Variants in GPRC6A observed in about 807,000 individuals in gnomAD.
GPRC6A encodes G protein-coupled receptor family C group 6 member A.
A neutral mutation model predicts 47.0 loss-of-function variants in GPRC6A; 54 were observed. That is an observed-to-expected ratio of 1.15 (90% CI 0.92 to 1.44). GPRC6A has a LOEUF of 1.44. GPRC6A is among the 40% of genes most tolerant of loss of function. The pLI is 0.00. For synonymous variants in GPRC6A, 347 were observed against 377.1 expected (o/e 0.92, Z 0.93); for missense variants, 1,112 against 1,105.5 (o/e 1.01, Z -0.08).
chr6:116,815,754 C>T (rs533263787), intron 1 of GPRC6A, among the ~76,000 whole-genome samples: 118 of 152,206 alleles, frequency 7.8e-4, no homozygotes, highest in African/African-American at 2.0e-3. Flanking sequence ...AAACCACATG[C>T]TTCTGAATAA....
chr6:116,806,560 C>G lies in GPRC6A; in HGVS notation c.1145G>C (p.Arg382Thr). 1 of 1,613,586 alleles carries G rather than the reference C, an allele frequency of 6.2e-7. No homozygotes were observed. The highest frequency in any genetic ancestry group is 8.5e-7 in the Non-Finnish European group (1 of 1,179,770). ...LSQCIFNHSQ[R>T]TLAYKANKAI... Reference sequence around the variant, plus strand: ...CTTGTTAGCCTTGTAGGCCAAAGTCCTTTGAGAATGATTGAATATGCATTG... The same window carrying G: ...CTTGTTAGCCTTGTAGGCCAAAGTCGTTTGAGAATGATTGAATATGCATTG... The change falls in exon 3 of 6, where the codon AGG (arginine) becomes ACG (threonine). Residue 382 changes from arginine to threonine, a missense_variant. Transcript: ENST00000310357.
intron 1 of GPRC6A, among the ~76,000 whole-genome samples, chr6:116,818,607 A>C (rs1302834759): frequency 6.8e-6 from 1 of 147,900 alleles, no homozygotes; most frequent in East Asian, 2.0e-4. Flanking sequence ...CAGCCAAACT[A>C]AGCTTCATAA....
intron 5 of GPRC6A, among the ~76,000 whole-genome samples, chr6:116,795,208 T>C (rs1772440174): frequency 6.6e-6 from 1 of 152,198 alleles, no homozygotes; most frequent in Admixed American, 6.6e-5. Flanking sequence ...AGTTGGTCCC[T>C]TGTCTCACAG....
At chr6:116,818,102 A>C (rs1773294309) in intron 1 of GPRC6A, among the ~76,000 whole-genome samples, 1 of 152,188 alleles carries the variant, frequency 6.6e-6, no homozygotes, top group Non-Finnish European at 1.5e-5. Context: ...AGTTGAAATG[A>C]AGGAGAAAAT....
intron 3 of GPRC6A, among the ~76,000 whole-genome samples, chr6:116,803,990 C>T (rs746393795): frequency 1.3e-5 from 2 of 152,076 alleles, no homozygotes; most frequent in South Asian, 2.1e-4. Flanking sequence ...TCCTGTTCTC[C>T]GTAATATCTT....
chr6:116,818,155 GA>G (rs1773297035), intron 1 of GPRC6A, among the ~76,000 whole-genome samples: 1 of 152,094 alleles, frequency 6.6e-6, no homozygotes, highest in East Asian at 1.9e-4. Flanking sequence ...CCCTCAAAGG[GA>G]AGCCCATCAG....
At chr6:116,817,015 T>C (rs375749024) in intron 1 of GPRC6A, among the ~76,000 whole-genome samples, 18 of 151,108 alleles carry the variant, frequency 1.2e-4, no homozygotes, top group South Asian at 2.1e-4. Context: ...CCGGGAAGCT[T>C]GAACTGGGTG....
Position 116,792,696 on chromosome 6 carries a change from C to T in GPRC6A, c.2227G>A (p.Glu743Lys). The T allele has an allele frequency of 6.2e-7, 1 of 1,613,146 alleles. No individual in the cohort carries two copies. Among genetic ancestry groups the T allele is most frequent in the Non-Finnish European group, 8.5e-7 (1 of 1,179,258 alleles). The change falls in exon 6 of 6, where the codon GAG becomes AAG. Residue 743 changes from glutamate to lysine, a missense_variant. Transcript: ENST00000310357. ...GCAAGTATGGATCCCTCCTCACACTCCAGGATGATGACTCTGGGCAAGGAG... is the reference window on the plus strand; with the variant it reads ...GCAAGTATGGATCCCTCCTCACACTTCAGGATGATGACTCTGGGCAAGGAG... ...NVSLPRVIILECEEGSILAFG... is the reference protein window; with the variant it reads ...NVSLPRVIILKCEEGSILAFG...
At chr6:116,817,413 T>G (rs1173521249) in intron 1 of GPRC6A, among the ~76,000 whole-genome samples, 5 of 150,292 alleles carry the variant, frequency 3.3e-5, no homozygotes, top group Admixed American at 6.6e-5. Context: ...AGACCAAAAG[T>G]AGATAAAACC....
chr6:116,799,556 G>C (rs990943194), intron 4 of GPRC6A, among the ~76,000 whole-genome samples: 10 of 152,168 alleles, frequency 6.6e-5, no homozygotes, highest in African/African-American at 2.4e-4. Context: ...ACTTTGGTGA[G>C]CTAGACAGAA....
rs1477388593 is a variant in GPRC6A, at chr6:116,806,457, C to T, written c.1248G>A (p.Gln416=). The part of the protein sequence containing the change: ...YAEPGLIHSI[Q]LAVFALGYAI... ...CATAACCAAGGGCAAACACTGCAAG[C>T]TGAATACTATGAATGAGTCCTGGCT... is the stretch of plus-strand genomic sequence containing the variant. The change falls in exon 3 of 6, where the codon CAG becomes CAA. Residue 416 remains glutamine (Q), a synonymous_variant. Transcript: ENST00000310357. The T allele has an allele frequency of 1.9e-6, 3 of 1,613,508 alleles. No individual in the cohort carries two copies. Among genetic ancestry groups the T allele is most frequent in the Non-Finnish European group, 1.7e-6 (2 of 1,179,698 alleles).
chr6:116,821,799 G>T (rs1172235813), intron 1 of GPRC6A, among the ~76,000 whole-genome samples: 3 of 151,438 alleles, frequency 2.0e-5, no homozygotes, highest in Non-Finnish European at 3.0e-5. Context: ...CATAGGCATG[G>T]GCAAGGACTT....
chr6:116,818,927 G>C (rs1773350526), intron 1 of GPRC6A, among the ~76,000 whole-genome samples: 1 of 152,116 alleles, frequency 6.6e-6, no homozygotes, highest in South Asian at 2.1e-4. Context: ...TGGATAAAGA[G>C]TCAAGACTCA....
chr6:116,828,806 TGAGAC>T lies in GPRC6A; in HGVS notation c.194+9_194+13del. The T allele has an allele frequency of 6.3e-7, 1 of 1,598,132 alleles. No homozygotes were observed. The highest frequency in any genetic ancestry group is 1.1e-5 in the South Asian group (1 of 88,720). On this transcript the variant is annotated intron_variant, in intron 1 of 5. Transcript: ENST00000310357. ...AATCTTGAAATCTAAACGTGTTTTTTGAGACTTACTCACCCAACACACTCCTGGAT... is the reference window on the plus strand; with the variant it reads ...AATCTTGAAATCTAAACGTGTTTTTTTTACTCACCCAACACACTCCTGGAT...
chr6:116,795,666 A>T, intron 5 of GPRC6A, 46 bp downstream of exon 5: 2 of 1,427,470 alleles, frequency 1.4e-6, no homozygotes, highest in Non-Finnish European at 1.9e-6. Flanking sequence ...AGAAAAAAAA[A>T]GCCTAAGAGG....
intron 1 of GPRC6A, among the ~76,000 whole-genome samples, chr6:116,827,720 T>C (rs1163256037): frequency 6.6e-6 from 1 of 152,068 alleles, no homozygotes; most frequent in Non-Finnish European, 1.5e-5. Context: ...AACATAGTGC[T>C]CTGAAAATCT....
intron 1 of GPRC6A, among the ~76,000 whole-genome samples, chr6:116,810,621 T>C (rs1255334607): frequency 1.3e-5 from 2 of 151,588 alleles, no homozygotes; most frequent in Admixed American, 6.6e-5. Flanking sequence ...TTGTGAACCA[T>C]GGCTTGCAAT....
intron 4 of GPRC6A, among the ~76,000 whole-genome samples, chr6:116,798,884 G>GA (rs768427367): frequency 0.045 from 5,008 of 110,384 alleles, 214 homozygotes; most frequent in African/African-American, 0.11. Context: ...ATCCATCTTG[G>GA]AAAAAAAAAA....
At position 116,806,360 on chromosome 6, in the gene GPRC6A, G is replaced by A. The variant is rs1049349126; in HGVS notation, c.1335+10C>T. ...GTAGAAGAGTTTTTCTTGGATGTGT[G>A]AGTTAGTACCTCCCATGGTTGAAAG... is the stretch of plus-strand genomic sequence containing the variant. On this transcript the variant is annotated intron_variant, in intron 3 of 5. Transcript: ENST00000310357. 23 of 1,551,532 alleles carry A rather than the reference G, an allele frequency of 1.5e-5. No homozygotes were observed. Among genetic ancestry groups the A allele is most frequent in the Non-Finnish European group, 2.0e-5 (23 of 1,132,934 alleles).
Sources: allele counts gnomAD v4.1 joint callset (sites outside exome capture counted in the v4.1 genomes callset), GRCh38; gene constraint gnomAD v4.1.1; transcripts MANE v1.5; gene names NCBI Gene and HGNC (gene_info 2026-07-23, HGNC 2026-07-21).